Variants in TAFA1 observed in about 807,000 individuals in gnomAD.
TAFA1 encodes the protein TAFA chemokine like family member 1.
TAFA1 carries 4 observed loss-of-function variants against 18.5 expected under a neutral mutation model. The ratio of observed to expected loss-of-function variants is 0.22; its 90% CI spans 0.11 to 0.49. The LOEUF is 0.49. Among genes scored for constraint, TAFA1 ranks in the 20% least tolerant of loss-of-function variants. The pLI is 0.98. For synonymous variants in TAFA1, 56 were observed against 55.2 expected (o/e 1.01, Z -0.06); for missense variants, 147 against 169.0 (o/e 0.87, Z 0.72).
intron 2 of TAFA1, among the ~76,000 whole-genome samples, chr3:68,402,915 G>A (rs1687532445): frequency 1.3e-5 from 2 of 152,168 alleles, no homozygotes; most frequent in Non-Finnish European, 2.9e-5. Context: ...TTAAGGGTGG[G>A]AGGCATCTCT....
intron 2 of TAFA1, among the ~76,000 whole-genome samples, chr3:68,183,247 G>A (rs1374101050): frequency 6.6e-6 from 1 of 152,144 alleles, no homozygotes; most frequent in Non-Finnish European, 1.5e-5. Flanking sequence ...GAGAAGTGGA[G>A]CAAAGGTTAA....
intron 2 of TAFA1, among the ~76,000 whole-genome samples, chr3:68,125,054 T>C (rs1293673387): frequency 6.6e-6 from 1 of 152,210 alleles, no homozygotes; most frequent in Non-Finnish European, 1.5e-5. Flanking sequence ...AGGATGCATA[T>C]ACTTGGAAGG....
intron 3 of TAFA1, among the ~76,000 whole-genome samples, chr3:68,419,410 T>C (rs1431401212): frequency 6.6e-6 from 1 of 152,190 alleles, no homozygotes; most frequent in Non-Finnish European, 1.5e-5. Context: ...AAGCCCTGGC[T>C]TGAATGACTC....
chr3:68,433,489 C>G (rs1039488901), intron 3 of TAFA1, among the ~76,000 whole-genome samples: 1 of 152,080 alleles, frequency 6.6e-6, no homozygotes, highest in Non-Finnish European at 1.5e-5. Context: ...CACAAATTCC[C>G]ACTTTAAATT....
chr3:68,539,683 G>GA (rs1262272945), intron 4 of TAFA1, among the ~76,000 whole-genome samples: 1 of 20,246 alleles, frequency 4.9e-5, no homozygotes, highest in Admixed American at 2.6e-4. Flanking sequence ...GTGTGTGGGG[G>GA]GGCATGGGGT....
chr3:68,303,375 C>T (rs1295309444), intron 2 of TAFA1, among the ~76,000 whole-genome samples: 1 of 152,134 alleles, frequency 6.6e-6, no homozygotes, highest in African/African-American at 2.4e-5. Context: ...CAAAAATTAG[C>T]CATTTACTCT....
intron 2 of TAFA1, among the ~76,000 whole-genome samples, chr3:68,337,013 G>A (rs1349432128): frequency 9.9e-5 from 15 of 152,226 alleles, no homozygotes; most frequent in Middle Eastern, 3.4e-3. Flanking sequence ...GTGAGCCACC[G>A]TGCCCGGCCT....
At chr3:68,141,245 A>G (rs892646436) in intron 2 of TAFA1, among the ~76,000 whole-genome samples, 1 of 152,182 alleles carries the variant, frequency 6.6e-6, no homozygotes, top group African/African-American at 2.4e-5. Context: ...AGCAACATTT[A>G]TGTGGCCCCT....
chr3:68,474,252 G>A (rs972136064), intron 3 of TAFA1, among the ~76,000 whole-genome samples: 1 of 152,112 alleles, frequency 6.6e-6, no homozygotes, highest in African/African-American at 2.4e-5. Context: ...AAGTCTGTAT[G>A]TTTCCAGAGC....
intron 3 of TAFA1, among the ~76,000 whole-genome samples, chr3:68,422,421 G>C (rs577930404): frequency 6.6e-6 from 1 of 152,224 alleles, no homozygotes; most frequent in Admixed American, 6.5e-5. Context: ...GTCTTATGCA[G>C]TGAATTTCCC....
intron 2 of TAFA1, among the ~76,000 whole-genome samples, chr3:68,047,298 C>A (rs2064401495): frequency 1.3e-5 from 2 of 152,038 alleles, no homozygotes; most frequent in African/African-American, 4.8e-5. Context: ...CATACCTGGC[C>A]CCAGATATGA....
At chr3:68,495,291 T>C (rs13065724) in intron 3 of TAFA1, among the ~76,000 whole-genome samples, 31,466 of 152,186 alleles carry the variant, frequency 0.21, 3,432 homozygotes, top group African/African-American at 0.25. Flanking sequence ...AGGAATGGAA[T>C]ACGAGTTGGA....
chr3:68,044,615 C>T (rs1705231567), intron 2 of TAFA1, among the ~76,000 whole-genome samples: 1 of 152,182 alleles, frequency 6.6e-6, no homozygotes, highest in Non-Finnish European at 1.5e-5. Flanking sequence ...ACAATTTCAT[C>T]TTCTTACATT....
intron 3 of TAFA1, among the ~76,000 whole-genome samples, chr3:68,493,815 G>A (rs535772888): frequency 1.3e-5 from 2 of 152,260 alleles, no homozygotes; most frequent in East Asian, 1.9e-4. Flanking sequence ...AGTTTATGAC[G>A]TTTTCCTGCC....
chr3:68,266,836 A>T (rs1230059629), intron 2 of TAFA1, among the ~76,000 whole-genome samples: 1 of 152,086 alleles, frequency 6.6e-6, no homozygotes, highest in African/African-American at 2.4e-5. Flanking sequence ...CTCAGCGATA[A>T]GTATGTGGTT....
At chr3:68,182,912 A>C (rs1349184367) in intron 2 of TAFA1, among the ~76,000 whole-genome samples, 1 of 152,130 alleles carries the variant, frequency 6.6e-6, no homozygotes, top group African/African-American at 2.4e-5. Context: ...AAATATAATA[A>C]AAAGAAATAT....
chr3:68,088,733 A>G (rs1305987309), intron 2 of TAFA1, among the ~76,000 whole-genome samples: 2 of 152,220 alleles, frequency 1.3e-5, no homozygotes, highest in Non-Finnish European at 2.9e-5. Flanking sequence ...GAGTGATTTG[A>G]TATATAAAAT....
intron 2 of TAFA1, among the ~76,000 whole-genome samples, chr3:68,413,382 TAA>T (rs1342055829): frequency 6.6e-6 from 1 of 152,156 alleles, no homozygotes; most frequent in Non-Finnish European, 1.5e-5. Flanking sequence ...TCCTGTAAAA[TAA>T]AGATTTGTGA....
intron 2 of TAFA1, among the ~76,000 whole-genome samples, chr3:68,232,218 C>T (rs566824579): frequency 2.0e-5 from 3 of 152,182 alleles, no homozygotes; most frequent in East Asian, 1.9e-4. Context: ...ATCCTCCTCT[C>T]CCTGCTACTC....
Sources: gnomAD v4.1 joint callset for allele counts (sites outside exome capture counted in the v4.1 genomes callset) on GRCh38, gnomAD v4.1.1 for gene constraint, MANE v1.5 for transcripts, NCBI Gene and HGNC (gene_info 2026-07-23, HGNC 2026-07-21) for gene names.